The following EEPD1 variants were observed in gnomAD, a reference collection of about 807,000 sequenced individuals.
The protein encoded by EEPD1 is endonuclease/exonuclease/phosphatase family domain-containing protein 1.
A neutral mutation model predicts 46.3 loss-of-function variants in EEPD1; 17 were observed. The observed-to-expected ratio is 0.37, with a 90% CI of 0.25 to 0.55. The LOEUF (loss-of-function observed/expected upper bound fraction) is 0.55. Ranked by LOEUF, EEPD1 falls within the 20% of genes least tolerant of loss-of-function variation. EEPD1 has a pLI of 0.83. For synonymous variants in EEPD1, 313 were observed against 315.6 expected (o/e 0.99, Z 0.09); for missense variants, 673 against 745.6 (o/e 0.90, Z 1.13).
At chr7:36,262,027 T>C (rs1786933029) in intron 3 of EEPD1, among the ~76,000 whole-genome samples, 1 of 152,222 alleles carries the variant, frequency 6.6e-6, no homozygotes, top group East Asian at 1.9e-4. Flanking sequence ...TCAAAAGCGT[T>C]CACTGACATT....
At chr7:36,199,071 G>C (rs912294883) in intron 2 of EEPD1, among the ~76,000 whole-genome samples, 1 of 151,976 alleles carries the variant, frequency 6.6e-6, no homozygotes, top group Admixed American at 6.6e-5. Context: ...AGTCCAAGCA[G>C]GAGGCACACA....
chr7:36,187,656 C>T (rs1373035663), intron 2 of EEPD1, among the ~76,000 whole-genome samples: 1 of 152,128 alleles, frequency 6.6e-6, no homozygotes, highest in Non-Finnish European at 1.5e-5. Context: ...CTGTTGGATA[C>T]TTAAGTTGCT....
chr7:36,199,667 C>G (rs1785679978), intron 2 of EEPD1, among the ~76,000 whole-genome samples: 1 of 152,316 alleles, frequency 6.6e-6, no homozygotes, highest in South Asian at 2.1e-4. Flanking sequence ...CTCTCTGAGT[C>G]TCAGCTGCTT....
Position 36,297,091 on chromosome 7 carries a change from G to C in EEPD1, c.1414G>C (p.Ala472Pro). 1 of 1,614,178 alleles carries C rather than the reference G, an allele frequency of 6.2e-7. No individual in the cohort carries two copies. Among genetic ancestry groups the C allele is most frequent in the Non-Finnish European group, 8.5e-7 (1 of 1,180,034 alleles). ...RKEKFHHLIPAHTFTNISTKN... is the reference protein window; with the variant it reads ...RKEKFHHLIPPHTFTNISTKN... The stretch of plus-strand genomic sequence containing the variant: ...AGAAAAGTTCCACCACCTGATCCCC[G>C]CGCACACCTTCACCAACATCAGCAC... The change falls in exon 7 of 8, where the codon GCG becomes CCG. Residue 472 changes from alanine (A) to proline (P), a missense_variant. Physicochemically the swap from Ala to Pro is conservative, Grantham distance 27. Coordinates refer to ENST00000242108, the MANE Select transcript of EEPD1 (RefSeq NM_030636.3).
intron 2 of EEPD1, among the ~76,000 whole-genome samples, chr7:36,236,347 G>T (rs1159816441): frequency 6.6e-6 from 1 of 152,230 alleles, no homozygotes; most frequent in Admixed American, 6.5e-5. Flanking sequence ...GTGAGCGCGG[G>T]CTTGGCAAGC....
At chr7:36,162,700 T>A (rs1258567340) in intron 2 of EEPD1, among the ~76,000 whole-genome samples, 3 of 152,124 alleles carry the variant, frequency 2.0e-5, no homozygotes, top group Non-Finnish European at 2.9e-5. Context: ...CTGACTACAA[T>A]TCCCCAACTA....
rs144434298 is a variant in EEPD1, at chr7:36,190,013, A to G, written c.878+34811A>G. Among the ~76,000 whole-genome samples the G allele has an allele frequency of 3.3e-5, 5 of 151,906 alleles. No homozygotes were observed. In the East Asian group the frequency reaches 9.6e-4, roughly 29 times the overall value. ...TTAAAATAATAATAACAACAATTAC[A>G]TGATTTTGATGGCATGTGGAAAAGC... On this transcript the variant is annotated intron_variant, in intron 2 of 7. Transcript: ENST00000242108.
chr7:36,278,301 T>C (rs1787211611), intron 3 of EEPD1, among the ~76,000 whole-genome samples: 2 of 151,730 alleles, frequency 1.3e-5, no homozygotes, highest in Non-Finnish European at 2.9e-5. Flanking sequence ...CAGGGTGGGG[T>C]TTGGGTATGA....
chr7:36,283,471 G>A (rs896886374), intron 4 of EEPD1, among the ~76,000 whole-genome samples: 1 of 152,096 alleles, frequency 6.6e-6, no homozygotes, highest in Non-Finnish European at 1.5e-5. Flanking sequence ...CCATGACTTG[G>A]GAAATGGCAG....
chr7:36,258,826 G>A lies in EEPD1; in HGVS notation c.930+19790G>A, dbSNP rs911326318. Among the ~76,000 whole-genome samples, 3 of 150,806 alleles carry A rather than the reference G, an allele frequency of 2.0e-5. No individual in the cohort carries two copies. In the East Asian group the frequency reaches 5.9e-4, roughly 30 times the overall value. The stretch of plus-strand genomic sequence containing the variant: ...TGGCTTCAGCCTTATTTCCACGGGA[G>A]TGAACGGTGAACGGTGAACAGTTCG... On this transcript the variant is annotated intron_variant, in intron 3 of 7. Transcript: ENST00000242108.
At position 36,154,302 on chromosome 7, in the gene EEPD1, C is replaced by A; in HGVS notation, c.-23C>A. On this transcript the variant is annotated 5_prime_UTR_variant, in exon 2 of 8. Transcript: ENST00000242108. This position sits in a 1 kb window ranked among gnomAD's most constrained non-coding sequence, Gnocchi z 4.2. ...CTCTTCTGCAGTGGTGCGGCCTTCC[C>A]GGGAGCCTGATCCTGGCGGACCATG... The A allele has an allele frequency of 1.3e-6, 2 of 1,595,224 alleles. No individual in the cohort carries two copies.
rs545917059 is a variant in EEPD1 at position 36,204,280 on chromosome 7, C to T, written c.879-34705C>T. Reference sequence around the variant, plus strand: ...CAAACTCCTGGCCTCAAGCGATCCTCCCACCTCAGCGTCCCAAAGCACTGG... The same window carrying T: ...CAAACTCCTGGCCTCAAGCGATCCTTCCACCTCAGCGTCCCAAAGCACTGG... On this transcript the variant is annotated intron_variant, in intron 2 of 7. Transcript: ENST00000242108. Among the ~76,000 whole-genome samples the T allele has an allele frequency of 3.3e-4, 50 of 152,204 alleles. 1 individual carries two copies. Among genetic ancestry groups the T allele is most frequent in the Admixed American group, 3.1e-3 (48 of 15,294 alleles).
chr7:36,185,254 T>C (rs1785345264), intron 2 of EEPD1, among the ~76,000 whole-genome samples: 1 of 152,262 alleles, frequency 6.6e-6, no homozygotes, highest in South Asian at 2.1e-4. Flanking sequence ...TGCCATGTGT[T>C]CATCTGCAGC....
intron 2 of EEPD1, among the ~76,000 whole-genome samples, chr7:36,183,078 G>A (rs984614973): frequency 6.6e-6 from 1 of 152,200 alleles, no homozygotes; most frequent in African/African-American, 2.4e-5. Context: ...GGAGAGCCAG[G>A]AGGGCGGCCT....
intron 2 of EEPD1, among the ~76,000 whole-genome samples, chr7:36,174,187 G>A (rs1462041405): frequency 6.6e-6 from 1 of 152,168 alleles, no homozygotes; most frequent in East Asian, 1.9e-4. Context: ...GGGCATGTTT[G>A]CGTCTTGTTC....
chr7:36,156,295 G>A (rs1784823950), intron 2 of EEPD1, among the ~76,000 whole-genome samples: 1 of 152,092 alleles, frequency 6.6e-6, no homozygotes. Context: ...CGTTTCCTTG[G>A]CACTGACCCA....
chr7:36,194,151 G>A (rs1785534108), intron 2 of EEPD1, among the ~76,000 whole-genome samples: 1 of 152,206 alleles, frequency 6.6e-6, no homozygotes, highest in Non-Finnish European at 1.5e-5. Flanking sequence ...GGATGTGGGT[G>A]TCTGCAGTAC....
intron 3 of EEPD1, among the ~76,000 whole-genome samples, chr7:36,247,377 A>G (rs1175456633): frequency 6.6e-6 from 1 of 152,214 alleles, no homozygotes; most frequent in Non-Finnish European, 1.5e-5. Context: ...CTCTCTTATT[A>G]CGTGCTTTTG....
chr7:36,181,520 C>T (rs112620340), intron 2 of EEPD1, among the ~76,000 whole-genome samples: 6 of 152,322 alleles, frequency 3.9e-5, no homozygotes, highest in South Asian at 2.1e-4. Context: ...TTTGAATGTG[C>T]GAGTTGAGTG....
Sources: allele counts gnomAD v4.1 joint callset (sites outside exome capture counted in the v4.1 genomes callset), GRCh38; gene constraint gnomAD v4.1.1; non-coding constraint Gnocchi (gnomAD v3.1); transcripts MANE v1.5; gene names NCBI Gene and HGNC (gene_info 2026-07-23, HGNC 2026-07-21).